Variants in ANKRD24 observed in about 807,000 individuals in gnomAD.
The protein encoded by ANKRD24 is ankyrin repeat domain-containing protein 24.
A neutral mutation model predicts 127.8 loss-of-function variants in ANKRD24; 109 were observed. The observed-to-expected ratio is 0.85, with a 90% CI of 0.73 to 1.00. ANKRD24 has a LOEUF of 1.00. ANKRD24 is among the 50% of genes least tolerant of loss of function. ANKRD24 has a pLI of 0.00. For missense variants in ANKRD24, 1,648 were observed against 1,570.2 expected, an observed-to-expected ratio of 1.05 and a Z score of -0.84; for synonymous variants, 743 against 671.1, an observed-to-expected ratio of 1.11 and a Z score of -1.66.
chr19:4,223,915 G>A (rs1970598956), intron 20 of ANKRD24, among the ~76,000 whole-genome samples: 1 of 151,862 alleles, frequency 6.6e-6, no homozygotes, highest in African/African-American at 2.4e-5. Flanking sequence ...GTCCAGGCTG[G>A]TCTTGAACTC....
At chr19:4,222,840 G>A in intron 20 of ANKRD24, 45 bp downstream of exon 20, 2 of 1,544,538 alleles carry the variant, frequency 1.3e-6, no homozygotes, top group Non-Finnish European at 1.8e-6. Flanking sequence ...TCAGGGTGGA[G>A]GAGTCCAAAT....
chr19:4,217,231 G>T lies in ANKRD24; in HGVS notation c.2071G>T (p.Gly691Cys). ...GGAATCCACAGGAGTCAGTGCCACA[G>T]GTGTGGAGAACCCAGGGGTAGAGGC... ...GMESTGVSAT[G>C]VENPGVEATV... is the part of the protein sequence containing the mutation. Residue 691 changes from glycine to cysteine, a missense_variant, in exon 18 of 22, where the codon GGT becomes TGT. Coordinates refer to ENST00000318934, the MANE Select transcript of ANKRD24 (RefSeq NM_001393985.1). 6.3e-7 allele frequency: 1 copy of T among 1,598,928 alleles called. No homozygotes were observed.
rs539277881 is a variant in ANKRD24, at chr19:4,199,252, T to A, written c.37-431T>A. 3.3e-5 allele frequency among the ~76,000 whole-genome samples: 5 copies of A among 152,198 alleles called. No homozygotes were observed. The East Asian group carries it at 9.7e-4, about 29-fold the overall frequency. ...ACTAAGGGATGAATTGGGGGACAACTTTTTTTATTGTACAGAGTGGGTCTT... is the reference window on the plus strand; with the variant it reads ...ACTAAGGGATGAATTGGGGGACAACATTTTTTATTGTACAGAGTGGGTCTT... On this transcript the variant is annotated intron_variant, in intron 2 of 21. Transcript: ENST00000318934. This position sits in a 1 kb window ranked among gnomAD's most constrained non-coding sequence, Gnocchi z 5.2.
chr19:4,197,782 C>T (rs921542844), intron 2 of ANKRD24, among the ~76,000 whole-genome samples: 3 of 149,656 alleles, frequency 2.0e-5, no homozygotes, highest in Admixed American at 6.6e-5. Context: ...AATGAACAAG[C>T]GAATGAATGA....
At position 4,202,068 on chromosome 19, in the gene ANKRD24, A is replaced by G; in HGVS notation, c.386A>G (p.Gln129Arg). Residue 129 changes from glutamine to arginine, a missense_variant, in exon 6 of 22, where the codon CAG (glutamine) becomes CGG (arginine). Physicochemically the swap from Gln to Arg is conservative, Grantham distance 43. Coordinates refer to ENST00000318934, the MANE Select transcript of ANKRD24 (RefSeq NM_001393985.1). ...LHLAAKYGHP[Q>R]CLKQLLQASC... ...CTGGCCGCCAAATACGGGCACCCAC[A>G]GTGCTTGAAGCAACTACTGCAGGTC... 6.2e-7 allele frequency: 1 copy of G among 1,613,888 alleles called. No homozygotes were observed. The highest frequency in any genetic ancestry group is 8.5e-7 in the Non-Finnish European group (1 of 1,179,844).
rs1240743109 is a variant in ANKRD24, at chr19:4,224,483, G to A, written c.3419G>A (p.Arg1140Lys). 2 of 1,611,440 alleles carry A rather than the reference G, an allele frequency of 1.2e-6. No individual in the cohort carries two copies. The highest frequency in any genetic ancestry group is 1.7e-6 in the Non-Finnish European group (2 of 1,178,946). The change falls in exon 22 of 22, where the codon AGA (arginine) becomes AAA (lysine). Residue 1140 changes from arginine (R) to lysine (K), a missense_variant. Coordinates refer to ENST00000318934, the MANE Select transcript of ANKRD24 (RefSeq NM_001393985.1). Reference protein sequence around the residue: ...RILSQILQMQRLQAQGR With the variant: ...RILSQILQMQKLQAQGR ...CTCAGCCAGATTCTGCAGATGCAGA[G>A]ACTCCAGGCTCAGGGCCGCTGAGAA...
rs1026960332 is a variant in ANKRD24, at chr19:4,195,585, C to G, written c.37-4098C>G. 6.6e-6 allele frequency among the ~76,000 whole-genome samples: 1 copy of G among 152,198 alleles called. No individual in the cohort carries two copies. Among genetic ancestry groups the G allele is most frequent in the African/African-American group, 2.4e-5 (1 of 41,456 alleles). ...CATTTTCCTGCCTTGGTTCCCACTC[C>G]TCCCTCCTCTTGTCCAAACATGTCT... is the stretch of plus-strand genomic sequence containing the variant. On this transcript the variant is annotated intron_variant, in intron 2 of 21. Transcript: ENST00000318934. This position sits in a 1 kb window ranked among gnomAD's most constrained non-coding sequence, Gnocchi z 4.2.
chr19:4,217,666 C>T lies in ANKRD24; in HGVS notation c.2506C>T (p.Leu836=), dbSNP rs1356395161. Reference sequence around the variant, plus strand: ...GGAGGCGCGGGGCCTGCGGGCCGAGCTGGCCCAGCGGGAGGAGGCGCGGCT... The same window carrying T: ...GGAGGCGCGGGGCCTGCGGGCCGAGTTGGCCCAGCGGGAGGAGGCGCGGCT... ...EEEARGLRAE[L]AQREEARLEQ... is the part of the protein sequence containing the mutation. The change falls in exon 18 of 22, where the codon CTG becomes TTG. Residue 836 remains leucine, a synonymous_variant. Coordinates refer to ENST00000318934, the MANE Select transcript of ANKRD24 (RefSeq NM_001393985.1). The T allele has an allele frequency of 7.8e-6, 10 of 1,284,084 alleles. No individual in the cohort carries two copies. Among genetic ancestry groups the T allele is most frequent in the Non-Finnish European group, 8.8e-6 (9 of 1,019,408 alleles). 79.5% of individuals were successfully genotyped at this position (1,284,084 alleles called of 1,614,324 possible).
In ANKRD24 at chr19:4,217,047, CACAGAG is replaced by C. The variant is rs1444271918; in HGVS notation, c.1890_1895del (p.Glu631_Thr632del). On this transcript the variant is annotated inframe_deletion, in exon 18 of 22. Coordinates refer to ENST00000318934, the MANE Select transcript of ANKRD24 (RefSeq NM_001393985.1). Reference sequence around the variant, plus strand: ...AGCCCACAGGAGCTCAGGCCACAGACACAGAGACCACGGGAGTGGAGGCCATGGGGG... The same window carrying C: ...AGCCCACAGGAGCTCAGGCCACAGACACCACGGGAGTGGAGGCCATGGGGG... 1 of 1,613,844 alleles carries C rather than the reference CACAGAG, an allele frequency of 6.2e-7. No homozygotes were observed. The highest frequency in any genetic ancestry group is 1.1e-5 in the South Asian group (1 of 91,082).
intron 2 of ANKRD24, among the ~76,000 whole-genome samples, chr19:4,191,415 C>T (rs571745151): frequency 2.6e-5 from 4 of 152,220 alleles, no homozygotes; most frequent in South Asian, 2.1e-4. Context: ...CTTTCCTGGT[C>T]CCTAACACCG....
At chr19:4,193,978 A>G in intron 2 of ANKRD24, among the ~76,000 whole-genome samples, 1 of 151,886 alleles carries the variant, frequency 6.6e-6, no homozygotes, top group East Asian at 1.9e-4. Context: ...AAAAGGCCAG[A>G]GGATTAATAT....
intron 20 of ANKRD24, among the ~76,000 whole-genome samples, chr19:4,223,399 A>ATTTTTT (rs1248797551): frequency 5.3e-5 from 3 of 56,398 alleles, no homozygotes; most frequent in African/African-American, 1.6e-4. Context: ...ATATATATAT[A>ATTTTTT]TATTTTTTTT....
chr19:4,217,670 C>T lies in ANKRD24; in HGVS notation c.2510C>T (p.Ala837Val). 7.8e-7 allele frequency: 1 copy of T among 1,285,052 alleles called. No homozygotes were observed. The highest frequency in any genetic ancestry group is 9.8e-7 in the Non-Finnish European group (1 of 1,020,114). The allele number at this position is 1,285,052 out of a possible 1,614,324, so 79.6% of individuals were successfully genotyped here. ...EEARGLRAEL[A>V]QREEARLEQS... Reference sequence around the variant, plus strand: ...GCGCGGGGCCTGCGGGCCGAGCTGGCCCAGCGGGAGGAGGCGCGGCTGGAG... The same window carrying T: ...GCGCGGGGCCTGCGGGCCGAGCTGGTCCAGCGGGAGGAGGCGCGGCTGGAG... The change falls in exon 18 of 22, where the codon GCC (alanine) becomes GTC (valine). Residue 837 changes from alanine (A) to valine (V), a missense_variant. Ala to Val is a moderately conservative substitution (Grantham distance 64). Coordinates refer to ENST00000318934, the MANE Select transcript of ANKRD24 (RefSeq NM_001393985.1).
chr19:4,209,518 T>C (rs184710309), intron 11 of ANKRD24, among the ~76,000 whole-genome samples: 134 of 152,162 alleles, frequency 8.8e-4, no homozygotes, highest in African/African-American at 3.1e-3. Context: ...GGCGTGATCT[T>C]GGCTCACTGC....
At chr19:4,221,822 C>T (rs28560385) in intron 19 of ANKRD24, among the ~76,000 whole-genome samples, 12,919 of 152,056 alleles carry the variant, frequency 0.085, 1,354 homozygotes, top group African/African-American at 0.25. Flanking sequence ...GACATAGGAG[C>T]GGGATCATTT....
At chr19:4,219,060 T>C (rs967514700) in intron 18 of ANKRD24, among the ~76,000 whole-genome samples, 10 of 151,676 alleles carry the variant, frequency 6.6e-5, no homozygotes, top group African/African-American at 1.2e-4. Flanking sequence ...CCAAGGTGAG[T>C]GGATCACCTG....
chr19:4,188,045 C>G (rs1296124832), intron 2 of ANKRD24, among the ~76,000 whole-genome samples: 1 of 152,088 alleles, frequency 6.6e-6, no homozygotes, highest in African/African-American at 2.4e-5. Context: ...AAAGAGAGGC[C>G]TGTGGAACAA....
chr19:4,182,965 TTGTGTGTGTGTG>T (rs57280997), intron 1 of ANKRD24, among the ~76,000 whole-genome samples: 9 of 138,682 alleles, frequency 6.5e-5, no homozygotes, highest in East Asian at 6.4e-4. Flanking sequence ...AATATCTCAT[TTGTGTGTGTGTG>T]TGTGTGTGTG....
intron 15 of ANKRD24, among the ~76,000 whole-genome samples, chr19:4,213,477 A>G (rs1440970946): frequency 6.5e-4 from 55 of 84,444 alleles, no homozygotes; most frequent in African/African-American, 2.4e-3. Flanking sequence ...TTTTTTTTGG[A>G]CAGAGTCTCG....
Sources: allele counts gnomAD v4.1 joint callset (sites outside exome capture counted in the v4.1 genomes callset), GRCh38; gene constraint gnomAD v4.1.1; non-coding constraint Gnocchi (gnomAD v3.1); transcripts MANE v1.5; gene names NCBI Gene and HGNC (gene_info 2026-07-23, HGNC 2026-07-21).